Variants in FRMD4A observed in about 807,000 individuals in gnomAD.
The protein encoded by FRMD4A is FERM domain containing 4A.
In FRMD4A, 29 loss-of-function variants were observed where a neutral mutation model predicts 129.1. The observed-to-expected ratio is 0.22, with a 90% CI of 0.17 to 0.31. The LOEUF is 0.31. FRMD4A is among the 10% of genes least tolerant of loss of function. FRMD4A has a pLI of 1.00. For synonymous variants in FRMD4A, 634 were observed against 571.6 expected, an observed-to-expected ratio of 1.11 and a Z score of -1.56; for missense variants, 1,272 against 1,375.8, an observed-to-expected ratio of 0.92 and a Z score of 1.19.
At chr10:14,087,291 T>C (rs891363283) in intron 2 of FRMD4A, among the ~76,000 whole-genome samples, 5 of 147,472 alleles carry the variant, frequency 3.4e-5, no homozygotes, top group Non-Finnish European at 7.5e-5. Flanking sequence ...ATGTGTTATA[T>C]ATCTATAAAA....
At chr10:13,979,145 A>C (rs1048548254) in intron 2 of FRMD4A, among the ~76,000 whole-genome samples, 1 of 152,180 alleles carries the variant, frequency 6.6e-6, no homozygotes, top group African/African-American at 2.4e-5. Flanking sequence ...CCCAAGGATG[A>C]TTTTTGAGTA....
chr10:14,089,645 A>AAC (rs1554754969), intron 2 of FRMD4A, among the ~76,000 whole-genome samples: 16 of 133,796 alleles, frequency 1.2e-4, no homozygotes, highest in African/African-American at 4.5e-4. Flanking sequence ...AAAAACAAAC[A>AAC]AAAAAAAAAC....
intron 3 of FRMD4A, among the ~76,000 whole-genome samples, chr10:13,847,808 C>T (rs2094075293): frequency 6.6e-6 from 1 of 152,208 alleles, no homozygotes; most frequent in Admixed American, 6.5e-5. Context: ...GAACTCCTAA[C>T]CCAAATAAAC....
intron 2 of FRMD4A, among the ~76,000 whole-genome samples, chr10:14,252,329 T>C (rs182672088): frequency 1.3e-4 from 20 of 152,342 alleles, no homozygotes; most frequent in African/African-American, 4.8e-4. Context: ...TCTACATATC[T>C]TGAGATTTTT....
At chr10:14,110,833 T>G (rs533130774) in intron 2 of FRMD4A, among the ~76,000 whole-genome samples, 1 of 152,258 alleles carries the variant, frequency 6.6e-6, no homozygotes, top group East Asian at 1.9e-4. Context: ...TTTATTTTAT[T>G]ATTATTATTT....
chr10:14,217,044 A>G (rs12246205), intron 2 of FRMD4A, among the ~76,000 whole-genome samples: 1,636 of 152,342 alleles, frequency 0.011, 29 homozygotes, highest in African/African-American at 0.038. Flanking sequence ...ACAGGGGGGC[A>G]TGGCCTCCAT....
chr10:14,019,570 C>A lies in FRMD4A; in HGVS notation c.46-160658G>T, dbSNP rs1333070170. On this transcript the variant is annotated intron_variant, in intron 2 of 24. Transcript: ENST00000357447. The stretch of plus-strand genomic sequence containing the variant: ...ATAAGTTGGCAGGAAAGGACTGGAG[C>A]CTGGGTTTTTCTTTCTAAGCCTTCT... Among the ~76,000 whole-genome samples, 7 of 152,118 alleles carry A rather than the reference C, an allele frequency of 4.6e-5. No individual in the cohort carries two copies. The South Asian group carries it at 6.2e-4, about 14-fold the overall frequency.
chr10:13,895,218 C>T (rs2094743615), intron 2 of FRMD4A, among the ~76,000 whole-genome samples: 1 of 152,104 alleles, frequency 6.6e-6, no homozygotes, highest in South Asian at 2.1e-4. Context: ...AGTTATTTTT[C>T]CATATCTTCC....
intron 2 of FRMD4A, among the ~76,000 whole-genome samples, chr10:13,876,009 G>A (rs1217691600): frequency 5.3e-5 from 8 of 152,314 alleles, no homozygotes; most frequent in South Asian, 2.1e-4. Context: ...AGATACATTC[G>A]GATTCAATGG....
chr10:14,119,496 T>G (rs751739492), intron 2 of FRMD4A, among the ~76,000 whole-genome samples: 4 of 152,146 alleles, frequency 2.6e-5, no homozygotes, highest in Non-Finnish European at 4.4e-5. Flanking sequence ...GATGGTGATG[T>G]TTGCCGTAAC....
chr10:13,687,029 G>A (rs2085148665), intron 15 of FRMD4A, among the ~76,000 whole-genome samples: 2 of 152,124 alleles, frequency 1.3e-5, no homozygotes, highest in South Asian at 4.1e-4. Flanking sequence ...GGTGGCTCAA[G>A]CCTGTAATCC....
chr10:13,962,333 C>T (rs553591996), intron 2 of FRMD4A, among the ~76,000 whole-genome samples: 23 of 152,204 alleles, frequency 1.5e-4, no homozygotes, highest in African/African-American at 5.3e-4. Context: ...ACAGTACTTG[C>T]CCCCCAGGGG....
At chr10:13,784,477 T>C (rs2092807008) in intron 5 of FRMD4A, among the ~76,000 whole-genome samples, 1 of 152,232 alleles carries the variant, frequency 6.6e-6, no homozygotes, top group African/African-American at 2.4e-5. Flanking sequence ...TCTATTCATT[T>C]ATAGTAATTA....
At chr10:14,102,661 T>C (rs1401466356) in intron 2 of FRMD4A, among the ~76,000 whole-genome samples, 1 of 152,112 alleles carries the variant, frequency 6.6e-6, no homozygotes, top group Non-Finnish European at 1.5e-5. Context: ...AGCTTTTCCT[T>C]GTAAATTCTC....
chr10:13,941,229 T>C (rs2095289684), intron 2 of FRMD4A, among the ~76,000 whole-genome samples: 1 of 152,130 alleles, frequency 6.6e-6, no homozygotes, highest in South Asian at 2.1e-4. Context: ...CTCATGGTAG[T>C]GAATAAGTCT....
intron 2 of FRMD4A, among the ~76,000 whole-genome samples, chr10:13,993,038 C>T (rs2095609167): frequency 6.7e-6 from 1 of 149,594 alleles, no homozygotes; most frequent in African/African-American, 2.5e-5. Context: ...ATCTGCTTCT[C>T]TTGCGTGTCC....
At chr10:13,884,434 A>T (rs2094595172) in intron 2 of FRMD4A, among the ~76,000 whole-genome samples, 1 of 152,212 alleles carries the variant, frequency 6.6e-6, no homozygotes, top group African/African-American at 2.4e-5. Flanking sequence ...TCAGAAAAGG[A>T]TGCAATTGCC....
intron 6 of FRMD4A, among the ~76,000 whole-genome samples, chr10:13,780,326 CAA>C (rs35947539): frequency 6.9e-4 from 101 of 145,506 alleles, no homozygotes; most frequent in Admixed American, 8.2e-4. Context: ...GACTGTGTCT[CAA>C]AAAAAAAAAA....
Position 14,330,615 on chromosome 10 carries a change from T to G in FRMD4A, c.-100A>C, listed in dbSNP as rs1843483514. 1.0e-5 allele frequency: 4 copies of G among 399,672 alleles called. No homozygotes were observed. Among genetic ancestry groups the G allele is most frequent in the Non-Finnish European group, 8.8e-6 (2 of 227,240 alleles). The allele number at this position is 399,672 out of a possible 1,614,324, so 24.8% of individuals were successfully genotyped here. On this transcript the variant is annotated 5_prime_UTR_variant, in exon 1 of 25. Transcript: ENST00000357447. ...AACATACCGCTCGCAATCTGGTCAGTGTCTTCTTTGCTGCAGATAGGTGTG... is the reference window on the plus strand; with the variant it reads ...AACATACCGCTCGCAATCTGGTCAGGGTCTTCTTTGCTGCAGATAGGTGTG...
Sources: gnomAD v4.1 joint callset for allele counts (sites outside exome capture counted in the v4.1 genomes callset) on GRCh38, gnomAD v4.1.1 for gene constraint, MANE v1.5 for transcripts, NCBI Gene and HGNC (gene_info 2026-07-23, HGNC 2026-07-21) for gene names.